Variants in TRIM33 observed in about 807,000 individuals in gnomAD.
TRIM33 encodes E3 ubiquitin-protein ligase TRIM33.
A neutral mutation model predicts 125.4 loss-of-function variants in TRIM33; 20 were observed. The ratio of observed to expected loss-of-function variants is 0.16; its 90% CI spans 0.11 to 0.23. TRIM33 has a LOEUF of 0.23. Among genes scored for constraint, TRIM33 ranks in the 10% least tolerant of loss-of-function variants. TRIM33 has a pLI of 1.00. For missense variants in TRIM33, 920 were observed against 1,411.4 expected, an observed-to-expected ratio of 0.65 and a Z score of 5.58; for synonymous variants, 564 against 513.9, an observed-to-expected ratio of 1.10 and a Z score of -1.32.
At chr1:114,479,826 C>G (rs1274176842) in intron 1 of TRIM33, among the ~76,000 whole-genome samples, 1 of 152,052 alleles carries the variant, frequency 6.6e-6, no homozygotes, top group Admixed American at 6.5e-5. Context: ...TGGGGGGCAG[C>G]CCCCGCCCGG....
intron 1 of TRIM33, among the ~76,000 whole-genome samples, chr1:114,467,016 A>C (rs1264193657): frequency 6.6e-6 from 1 of 152,224 alleles, no homozygotes; most frequent in African/African-American, 2.4e-5. Context: ...AGGTTCGGAG[A>C]GATTAAGAAA....
At chr1:114,484,968 C>G (rs960211909) in intron 1 of TRIM33, among the ~76,000 whole-genome samples, 1 of 152,054 alleles carries the variant, frequency 6.6e-6, no homozygotes, top group African/African-American at 2.4e-5. Context: ...ACGAAAATCA[C>G]TTGAACCTGG....
chr1:114,440,848 A>G (rs891264269), intron 4 of TRIM33, among the ~76,000 whole-genome samples: 13 of 152,230 alleles, frequency 8.5e-5, no homozygotes, highest in Non-Finnish European at 1.8e-4. Flanking sequence ...AAGAAGGACC[A>G]ACAAAGAATG....
At position 114,433,623 on chromosome 1, in the gene TRIM33, T is replaced by C. The variant is rs1205244857; in HGVS notation, c.1034A>G (p.Gln345Arg). The change falls in exon 5 of 20, where the codon CAG becomes CGG. Residue 345 changes from glutamine to arginine, a missense_variant. Around this residue, in one of 8 missense-constraint regions of TRIM33, gnomAD observed 50 missense variants for 110.8 expected, o/e 0.45. Transcript: ENST00000358465. ...NYVHFAATQV[Q>R]NRIKEVNETN... ...TTTAAGGCAACAAACTTACCTATTCTGCACCTGAGTAGCTGCAAAATGAAC... is the reference window on the plus strand; with the variant it reads ...TTTAAGGCAACAAACTTACCTATTCCGCACCTGAGTAGCTGCAAAATGAAC... 2 of 1,600,820 alleles carry C rather than the reference T, an allele frequency of 1.2e-6. No homozygotes were observed. Among genetic ancestry groups the C allele is most frequent in the East Asian group, 4.5e-5 (2 of 44,722 alleles).
Position 114,500,160 on chromosome 1 carries a change from C to G in TRIM33, c.526+10391G>C, listed in dbSNP as rs138194777. Among the ~76,000 whole-genome samples, 5 of 152,294 alleles carry G rather than the reference C, an allele frequency of 3.3e-5. No individual in the cohort carries two copies. In the East Asian group the frequency reaches 9.6e-4, roughly 29 times the overall value. Reference sequence around the variant, plus strand: ...CCAGCCTGGGCAACAAAGTGAGACTCTGTCTCAAAATATACACTCAAAAAC... The same window carrying G: ...CCAGCCTGGGCAACAAAGTGAGACTGTGTCTCAAAATATACACTCAAAAAC... On this transcript the variant is annotated intron_variant, in intron 1 of 19. Coordinates refer to ENST00000358465, the MANE Select transcript of TRIM33 (RefSeq NM_015906.4).
chr1:114,429,704 A>G (rs944869720), intron 6 of TRIM33, among the ~76,000 whole-genome samples: 1 of 152,276 alleles, frequency 6.6e-6, no homozygotes, highest in Admixed American at 6.5e-5. Context: ...TTACTATTCA[A>G]TGGTGCAGAA....
rs1307044613 is a variant in TRIM33 at position 114,405,291 on chromosome 1, C to A, written c.2768+119G>T. ...AAGCTAATACCAAAAGAATAACAGG[C>A]TCCCTGTTTTATAGAAATACTATGC... On this transcript the variant is annotated intron_variant, in intron 15 of 19. Coordinates refer to ENST00000358465, the MANE Select transcript of TRIM33 (RefSeq NM_015906.4). 7.0e-6 allele frequency: 5 copies of A among 718,170 alleles called. No individual in the cohort carries two copies. In the African/African-American group the frequency reaches 8.9e-5, roughly 13 times the overall value. The allele number at this position is 718,170 out of a possible 1,614,324, so 44.5% of individuals were successfully genotyped here. A position where few individuals can be genotyped will look rare whatever the true frequency, so the allele number is the denominator to read the frequency against.
intron 1 of TRIM33, among the ~76,000 whole-genome samples, chr1:114,474,565 C>G (rs571556337): frequency 7.0e-4 from 92 of 131,354 alleles, no homozygotes; most frequent in Middle Eastern, 9.3e-3. Context: ...CTGAGCAAGA[C>G]CTTGTCTCTA....
At chr1:114,475,953 T>G (rs1421845921) in intron 1 of TRIM33, among the ~76,000 whole-genome samples, 2 of 152,070 alleles carry the variant, frequency 1.3e-5, no homozygotes, top group African/African-American at 4.8e-5. Context: ...TTAGCCATGT[T>G]CACACCACTG....
intron 4 of TRIM33, among the ~76,000 whole-genome samples, chr1:114,459,279 C>T (rs572694823): frequency 3.9e-5 from 6 of 152,226 alleles, no homozygotes; most frequent in South Asian, 2.1e-4. Context: ...TGATCACAAA[C>T]GATCAACAAT....
At chr1:114,464,883 G>A (rs952445109) in intron 1 of TRIM33, among the ~76,000 whole-genome samples, 1 of 152,124 alleles carries the variant, frequency 6.6e-6, no homozygotes, top group Non-Finnish European at 1.5e-5. Flanking sequence ...GAAGAAGCCG[G>A]AGAAAAGAAA....
At chr1:114,428,298 T>C (rs1025624575) in intron 6 of TRIM33, among the ~76,000 whole-genome samples, 1 of 152,310 alleles carries the variant, frequency 6.6e-6, no homozygotes, top group East Asian at 1.9e-4. Context: ...CCTCCTGGTA[T>C]GGCATGAGAA....
intron 1 of TRIM33, among the ~76,000 whole-genome samples, chr1:114,475,863 C>A (rs976699074): frequency 1.3e-5 from 2 of 151,948 alleles, no homozygotes; most frequent in Admixed American, 1.3e-4. Context: ...ACTAGCTCAG[C>A]GTGTAGGTGT....
intron 1 of TRIM33, among the ~76,000 whole-genome samples, chr1:114,509,798 G>C (rs1212415960): frequency 6.6e-6 from 1 of 152,176 alleles, no homozygotes; most frequent in Non-Finnish European, 1.5e-5. Flanking sequence ...GTTAGACTGT[G>C]AATGAAGTCT....
chr1:114,412,194 T>C (rs1162037517), intron 11 of TRIM33, among the ~76,000 whole-genome samples: 2 of 152,216 alleles, frequency 1.3e-5, no homozygotes, highest in Non-Finnish European at 2.9e-5. Context: ...ATATATAAGC[T>C]GGCACAATAT....
rs1465635176 is a variant in TRIM33 at position 114,405,630 on chromosome 1, T to G, written c.2548A>C (p.Lys850Gln). The G allele has an allele frequency of 6.2e-7, 1 of 1,614,114 alleles. No homozygotes were observed. The highest frequency in any genetic ancestry group is 8.5e-7 in the Non-Finnish European group (1 of 1,180,050). ...IEPADMNESCKQSGLSSLVNG... is the reference protein window; with the variant it reads ...IEPADMNESCQQSGLSSLVNG... ...ACAAGGCTGCTGAGCCCTGACTGTT[T>G]GCAGCTTTCATTCATATCTGCAGGT... Residue 850 changes from lysine (K) to glutamine (Q), a missense_variant, in exon 15 of 20, where the codon AAA becomes CAA. Physicochemically the swap from Lys to Gln is moderately conservative, Grantham distance 53. Transcript: ENST00000358465.
intron 1 of TRIM33, among the ~76,000 whole-genome samples, chr1:114,488,541 A>C (rs1220663825): frequency 6.6e-6 from 1 of 152,126 alleles, no homozygotes; most frequent in Non-Finnish European, 1.5e-5. Context: ...AGGCGGGAGG[A>C]CCGCTTCAGC....
Position 114,408,860 on chromosome 1 carries a change from T to C in TRIM33, c.2195-120A>G, listed in dbSNP as rs1652409018. ...CTAAAAAATTATTGGAAATCAGACC[T>C]AGTCACAAAGTCAGGGACGCATGTG... On this transcript the variant is annotated intron_variant, in intron 12 of 19. Transcript: ENST00000358465. 7 of 673,458 alleles carry C rather than the reference T, an allele frequency of 1.0e-5. No homozygotes were observed. In the Admixed American group the frequency reaches 1.5e-4, roughly 14 times the overall value. The allele number at this position is 673,458 out of a possible 1,614,324, so 41.7% of individuals were successfully genotyped here. A position where few individuals can be genotyped will look rare whatever the true frequency, so the allele number is the denominator to read the frequency against.
chr1:114,503,443 A>G (rs1454371967), intron 1 of TRIM33, among the ~76,000 whole-genome samples: 1 of 152,218 alleles, frequency 6.6e-6, no homozygotes, highest in African/African-American at 2.4e-5. Context: ...GCGCCACTGC[A>G]CTCCAGTGTG....
Sources: gnomAD v4.1 joint callset for allele counts (sites outside exome capture counted in the v4.1 genomes callset) on GRCh38, gnomAD v4.1.1 for gene constraint, gnomAD v4.1.1 regional missense constraint, MANE v1.5 for transcripts, NCBI Gene and HGNC (gene_info 2026-07-23, HGNC 2026-07-21) for gene names.